Variants in PDGFRA observed in about 807,000 individuals in gnomAD.
PDGFRA encodes the protein platelet-derived growth factor receptor alpha.
In PDGFRA, 25 loss-of-function variants were observed where a neutral mutation model predicts 121.5. The observed-to-expected ratio is 0.21, with a 90% CI of 0.15 to 0.29. The LOEUF (loss-of-function observed/expected upper bound fraction) is 0.29. PDGFRA is among the 10% of genes least tolerant of loss of function. PDGFRA has a pLI of 1.00. For synonymous variants in PDGFRA, 463 were observed against 494.8 expected (o/e 0.94, Z 0.85); for missense variants, 1,008 against 1,345.1 (o/e 0.75, Z 3.92).
At chr4:54,268,385 G>A (rs547352189) in intron 7 of PDGFRA, among the ~76,000 whole-genome samples, 17 of 152,294 alleles carry the variant, frequency 1.1e-4, no homozygotes, top group African/African-American at 4.1e-4. Context: ...TGTCCTTCAA[G>A]GCAAGGAATT....
intron 1 of PDGFRA, among the ~76,000 whole-genome samples, chr4:54,234,072 G>C (rs761552503): frequency 1.3e-5 from 2 of 152,182 alleles, no homozygotes; most frequent in Non-Finnish European, 2.9e-5. Context: ...TAGCGAGTCC[G>C]GCTGAGCCTC....
At chr4:54,246,485 TG>T (rs1282250021) in intron 1 of PDGFRA, among the ~76,000 whole-genome samples, 9 of 152,144 alleles carry the variant, frequency 5.9e-5, no homozygotes, top group Admixed American at 3.3e-4. Flanking sequence ...CATAACGAAA[TG>T]AAGGCAGAAA....
rs1060504258 is a variant in PDGFRA at position 54,287,483 on chromosome 4, C to A, written c.2616C>A (p.Tyr872Ter). ...MAPESIFDNLYTTLSDVWSYG... is the reference protein window; with the variant it reads ...MAPESIFDNL ...CTGAGAGCATCTTTGACAACCTCTA[C>A]ACCACACTGAGTGATGTCTGGTCTT... The change falls in exon 19 of 23, where the codon TAC (tyrosine) becomes TAA (stop). Residue 872 changes from tyrosine (Y) to a stop codon, truncating the protein, a stop_gained. Coordinates refer to ENST00000257290, the MANE Select transcript of PDGFRA (RefSeq NM_006206.6). LOFTEE classifies it high-confidence loss of function. 6.3e-7 allele frequency: 1 copy of A among 1,580,758 alleles called. No homozygotes were observed. Among genetic ancestry groups the A allele is most frequent in the Non-Finnish European group, 8.7e-7 (1 of 1,149,614 alleles).
intron 21 of PDGFRA, 68 bp from the exon 22 acceptor site, chr4:54,290,245 G>A (rs961805803): frequency 1.6e-6 from 2 of 1,245,600 alleles, no homozygotes; most frequent in Non-Finnish European, 2.4e-6. Context: ...TAAGTTCTGA[G>A]TGTCTCTATT....
In PDGFRA at chr4:54,290,520, G is replaced by A. The variant is rs752966371; in HGVS notation, c.3088G>A (p.Glu1030Lys). The A allele has an allele frequency of 1.2e-6, 2 of 1,614,174 alleles. No homozygotes were observed. The highest frequency in any genetic ancestry group is 2.2e-5 in the East Asian group (1 of 44,870). Residue 1030 changes from glutamate (E) to lysine (K), a missense_variant, in exon 22 of 23, where the codon GAG becomes AAG. Coordinates refer to ENST00000257290, the MANE Select transcript of PDGFRA (RefSeq NM_006206.6). Reference sequence around the variant, plus strand: ...TCTGCCTGACATTGACCCTGTCCCTGAGGAGGAGGACCTGGGCAAGAGGAA... The same window carrying A: ...TCTGCCTGACATTGACCCTGTCCCTAAGGAGGAGGACCTGGGCAAGAGGAA... ...IPLPDIDPVP[E>K]EEDLGKRNRH...
intron 12 of PDGFRA, among the ~76,000 whole-genome samples, chr4:54,276,540 C>G (rs775660571): frequency 6.6e-6 from 1 of 152,128 alleles, no homozygotes; most frequent in African/African-American, 2.4e-5. Context: ...TATTTCCCAA[C>G]AAGGGATGAG....
chr4:54,280,413 TC>T lies in PDGFRA; in HGVS notation c.2255del (p.Ser752LeufsTer23). 6.2e-7 allele frequency: 1 copy of T among 1,613,714 alleles called. No homozygotes were observed. The highest frequency in any genetic ancestry group is 1.1e-5 in the South Asian group (1 of 91,062). ...CCCCATGCTAGAAAGGAAAGAGGTT[TC>T]TAAATATTCCGACATCCAGAGATCA... is the stretch of plus-strand genomic sequence containing the variant. ...YVPMLERKEV[S>X]KYSDIQRSLY... On this transcript the variant is annotated frameshift_variant, in exon 16 of 23. Transcript: ENST00000257290. LOFTEE classifies it high-confidence loss of function.
Position 54,247,960 on chromosome 4 carries a change from C to T in PDGFRA, c.-12-10797C>T, listed in dbSNP as rs555330837. ...AACAGCCAAATCGTGAGTGAACTCC[C>T]ATTCACAATTGCTTCAAAGAGAATA... is the stretch of plus-strand genomic sequence containing the variant. On this transcript the variant is annotated intron_variant, in intron 1 of 22. Coordinates refer to ENST00000257290, the MANE Select transcript of PDGFRA (RefSeq NM_006206.6). Among the ~76,000 whole-genome samples the T allele has an allele frequency of 6.9e-3, 1,058 of 152,240 alleles. 9 individuals are homozygous for T. The highest frequency in any genetic ancestry group is 0.024 in the African/African-American group (996 of 41,536).
chr4:54,292,599 C>T (rs887879782), intron 22 of PDGFRA, among the ~76,000 whole-genome samples: 33 of 152,064 alleles, frequency 2.2e-4, no homozygotes, highest in Admixed American at 1.5e-3. Flanking sequence ...ATGATCTGTG[C>T]GGCAAACCAC....
chr4:54,267,139 C>T (rs1455003991), intron 5 of PDGFRA, 150 bp from the exon 6 acceptor site: 4 of 782,858 alleles, frequency 5.1e-6, no homozygotes, highest in Admixed American at 1.9e-5. Context: ...TGTGTAGCCT[C>T]CCACCTTGTC....
Position 54,273,521 on chromosome 4 carries a change from C to T in PDGFRA, c.1365-16C>T, listed in dbSNP as rs774031666. 1.9e-6 allele frequency: 3 copies of T among 1,608,266 alleles called. No individual in the cohort carries two copies. In the East Asian group the frequency reaches 6.7e-5, roughly 36 times the overall value. Reference sequence around the variant, plus strand: ...CTCAGGAATTGGCCCTATACTTAGGCCCTTTTTCTCTCTAGATGTAATAAT... The same window carrying T: ...CTCAGGAATTGGCCCTATACTTAGGTCCTTTTTCTCTCTAGATGTAATAAT... On this transcript the variant is annotated splice_polypyrimidine_tract_variant and intron_variant, in intron 9 of 22. Coordinates refer to ENST00000257290, the MANE Select transcript of PDGFRA (RefSeq NM_006206.6).
intron 16 of PDGFRA, among the ~76,000 whole-genome samples, chr4:54,284,164 C>T (rs923925990): frequency 3.3e-5 from 5 of 152,114 alleles, no homozygotes; most frequent in Admixed American, 6.5e-5. Context: ...CATTTTCATC[C>T]GAGACCTTGG....
chr4:54,277,867 G>A (rs2110310521), intron 13 of PDGFRA, 29 bp from the exon 14 acceptor site: 2 of 1,438,258 alleles, frequency 1.4e-6, no homozygotes, highest in Non-Finnish European at 2.0e-6. Flanking sequence ...AGCTCAGCTG[G>A]ACTGATATGT....
At chr4:54,240,609 C>G (rs1438134347) in intron 1 of PDGFRA, among the ~76,000 whole-genome samples, 1 of 152,170 alleles carries the variant, frequency 6.6e-6, no homozygotes, top group African/African-American at 2.4e-5. Context: ...TTGTTTAATG[C>G]TTTGCTCCAG....
chr4:54,273,134 G>A (rs1321440992), intron 9 of PDGFRA, among the ~76,000 whole-genome samples: 1 of 152,152 alleles, frequency 6.6e-6, no homozygotes, highest in African/African-American at 2.4e-5. Context: ...CGCAACCCTA[G>A]TGACACCCTA....
chr4:54,260,039 T>G (rs1018939501), intron 2 of PDGFRA, among the ~76,000 whole-genome samples: 1 of 152,130 alleles, frequency 6.6e-6, no homozygotes, highest in Non-Finnish European at 1.5e-5. Context: ...TTGCACTTAC[T>G]CTATTGCAAA....
chr4:54,269,171 C>T (rs1024935634), intron 7 of PDGFRA, among the ~76,000 whole-genome samples: 3 of 152,138 alleles, frequency 2.0e-5, no homozygotes, highest in Non-Finnish European at 4.4e-5. Context: ...AGGGTACTCT[C>T]TTAAGGAAAT....
chr4:54,297,015 C>T lies in PDGFRA; in HGVS notation c.*1743C>T, dbSNP rs74548029. 560 of 233,154 alleles carry T rather than the reference C, an allele frequency of 2.4e-3. 5 individuals carry two copies. The highest frequency in any genetic ancestry group is 0.011 in the African/African-American group (519 of 45,444). 14.4% of individuals were successfully genotyped at this position (233,154 alleles called of 1,614,324 possible). A position where few individuals can be genotyped will look rare whatever the true frequency, so the allele number is the denominator to read the frequency against. On this transcript the variant is annotated 3_prime_UTR_variant, in exon 23 of 23. Coordinates refer to ENST00000257290, the MANE Select transcript of PDGFRA (RefSeq NM_006206.6). Reference sequence around the variant, plus strand: ...GTCTTCTGCCTCCCACTCCATACCCCGCCAAGGAAAGGCATGTACAAAAAT... The same window carrying T: ...GTCTTCTGCCTCCCACTCCATACCCTGCCAAGGAAAGGCATGTACAAAAAT...
Position 54,287,365 on chromosome 4 carries a change from A to G in PDGFRA, c.2563-65A>G, listed in dbSNP as rs151212702. 132 of 789,554 alleles carry G rather than the reference A, an allele frequency of 1.7e-4. No individual in the cohort carries two copies. In the African/African-American group the frequency reaches 2.1e-3, roughly 12 times the overall value. The allele number at this position is 789,554 out of a possible 1,614,324, so 48.9% of individuals were successfully genotyped here. A position where few individuals can be genotyped will look rare whatever the true frequency, so the allele number is the denominator to read the frequency against. ...AAGAGCCCAAGGGGAACCCTTTTCT[A>G]TTTCCACTGCTGTGGATCATCAGTG... On this transcript the variant is annotated intron_variant, in intron 18 of 22. Transcript: ENST00000257290.
Sources: allele counts gnomAD v4.1 joint callset (sites outside exome capture counted in the v4.1 genomes callset), GRCh38; gene constraint gnomAD v4.1.1; transcripts MANE v1.5; gene names NCBI Gene and HGNC (gene_info 2026-07-23, HGNC 2026-07-21).